RAD51B: variants seen among roughly 807,000 people sequenced by gnomAD.
The protein encoded by RAD51B is DNA repair protein RAD51 homolog 2.
A neutral mutation model predicts 42.2 loss-of-function variants in RAD51B; 38 were observed. The ratio of observed to expected loss-of-function variants is 0.90; its 90% CI spans 0.70 to 1.18. The LOEUF (loss-of-function observed/expected upper bound fraction) is 1.18. Among genes scored for constraint, RAD51B ranks in the 50% most tolerant of loss-of-function variants. The pLI is 0.00. For missense variants in RAD51B, 373 were observed against 400.7 expected (o/e 0.93, Z 0.59); for synonymous variants, 154 against 145.2 (o/e 1.06, Z -0.43).
intron 7 of RAD51B, among the ~76,000 whole-genome samples, chr14:68,079,392 T>G (rs1369396301): frequency 6.6e-6 from 1 of 152,230 alleles, no homozygotes; most frequent in Admixed American, 6.5e-5. Context: ...CATAATATTT[T>G]GGGGCATTTT....
At chr14:67,990,770 A>AAAATAT (rs2075282610) in intron 7 of RAD51B, among the ~76,000 whole-genome samples, 1 of 152,206 alleles carries the variant, frequency 6.6e-6, no homozygotes, top group Non-Finnish European at 1.5e-5. Flanking sequence ...TTTTTTAACT[A>AAAATAT]AAAATATACA....
chr14:68,325,092 G>A (rs567504449), intron 8 of RAD51B, among the ~76,000 whole-genome samples: 85 of 152,212 alleles, frequency 5.6e-4, no homozygotes, highest in African/African-American at 2.0e-3. Context: ...GGACAACCTG[G>A]GTCTAATGCT....
At chr14:68,436,751 T>A (rs896211850) in intron 9 of RAD51B, among the ~76,000 whole-genome samples, 1 of 152,170 alleles carries the variant, frequency 6.6e-6, no homozygotes, top group Non-Finnish European at 1.5e-5. Flanking sequence ...GTTTGATGTA[T>A]TCCTAGGTGT....
rs1890925660 is a variant in RAD51B, at chr14:68,594,886, G to A, written c.*283G>A. On this transcript the variant is annotated 3_prime_UTR_variant, in exon 11 of 11. Coordinates refer to the RAD51B transcript ENST00000487270. ...CACACAGCCCATGCCCTCCACCATG[G>A]AGTACATTTTCTCCCTGGCTTGCTG... 3.6e-6 allele frequency: 4 copies of A among 1,102,834 alleles called. No homozygotes were observed. In the South Asian group the frequency reaches 1.4e-4, roughly 38 times the overall value. 68.3% of individuals were successfully genotyped at this position (1,102,834 alleles called of 1,614,324 possible).
At chr14:68,017,980 A>ATAAG (rs1398139727) in intron 7 of RAD51B, among the ~76,000 whole-genome samples, 1 of 152,036 alleles carries the variant, frequency 6.6e-6, no homozygotes, top group Non-Finnish European at 1.5e-5. Context: ...GAATAAATAA[A>ATAAG]TAAATAAATA....
chr14:68,173,374 T>C (rs2078908468), intron 7 of RAD51B, among the ~76,000 whole-genome samples: 2 of 152,220 alleles, frequency 1.3e-5, no homozygotes, highest in Admixed American at 6.5e-5. Context: ...CTATACTGCC[T>C]GTGGGAACAC....
At chr14:68,468,854 G>A (rs2086051133) in intron 10 of RAD51B, among the ~76,000 whole-genome samples, 1 of 152,220 alleles carries the variant, frequency 6.6e-6, no homozygotes, top group Admixed American at 6.5e-5. Context: ...ATAGCACCCT[G>A]AGGCCACATC....
intron 7 of RAD51B, among the ~76,000 whole-genome samples, chr14:68,097,448 T>A (rs1397032995): frequency 1.3e-5 from 2 of 152,196 alleles, no homozygotes; most frequent in African/African-American, 4.8e-5. Flanking sequence ...GATATTCAAA[T>A]GACACTTCAG....
intron 10 of RAD51B, among the ~76,000 whole-genome samples, chr14:68,521,684 TG>T (rs1189203806): frequency 6.6e-6 from 1 of 152,234 alleles, no homozygotes; most frequent in Non-Finnish European, 1.5e-5. Flanking sequence ...GAGCTGGGGC[TG>T]CCACCCTGTT....
intron 6 of RAD51B, among the ~76,000 whole-genome samples, chr14:67,886,401 G>A (rs2043062230): frequency 1.3e-5 from 2 of 152,142 alleles, no homozygotes; most frequent in Admixed American, 1.3e-4. Flanking sequence ...CTTAAGGCTT[G>A]ACTGGAGCTG....
intron 7 of RAD51B, among the ~76,000 whole-genome samples, chr14:68,274,340 C>T (rs2081179897): frequency 6.6e-6 from 1 of 152,102 alleles, no homozygotes; most frequent in African/African-American, 2.4e-5. Flanking sequence ...TTTCTTCCTT[C>T]CTTTCTTGTT....
intron 8 of RAD51B, among the ~76,000 whole-genome samples, chr14:68,322,766 G>T (rs1334117281): frequency 6.6e-6 from 1 of 152,174 alleles, no homozygotes; most frequent in Non-Finnish European, 1.5e-5. Context: ...GCTAGGACAG[G>T]CCTGGGTAGA....
chr14:68,573,648 C>T (rs1449214951), intron 10 of RAD51B, among the ~76,000 whole-genome samples: 1 of 152,190 alleles, frequency 6.6e-6, no homozygotes, highest in Non-Finnish European at 1.5e-5. Context: ...GAGGGCAGCA[C>T]CCTTGACCAC....
In RAD51B at chr14:67,879,681, T is replaced by C. The variant is rs187602972; in HGVS notation, c.453-6188T>C. On this transcript the variant is annotated intron_variant, in intron 5 of 10. Transcript: ENST00000471583. The stretch of plus-strand genomic sequence containing the variant: ...GTGAAAAAAGAGTGGCGTTGTTTTA[T>C]GTTTTTGCAAATCTCTTTAGTGTCT... 2.5e-3 allele frequency among the ~76,000 whole-genome samples: 378 copies of C among 152,356 alleles called. 2 individuals are homozygous for C. The highest frequency in any genetic ancestry group is 2.0e-3 in the Non-Finnish European group (136 of 68,034).
chr14:68,023,970 A>T (rs1566586175), intron 7 of RAD51B, among the ~76,000 whole-genome samples: 2 of 152,198 alleles, frequency 1.3e-5, no homozygotes, highest in Admixed American at 6.5e-5. Context: ...TAAGACGTTT[A>T]TAGTTTGAGG....
At chr14:67,910,441 A>AAAAT (rs1566953766) in intron 7 of RAD51B, among the ~76,000 whole-genome samples, 1 of 146,076 alleles carries the variant, frequency 6.8e-6, no homozygotes. Context: ...AAAAAAAAAA[A>AAAAT]ATATTTAAAT....
At chr14:67,981,861 A>G (rs376463356) in intron 7 of RAD51B, among the ~76,000 whole-genome samples, 2 of 152,224 alleles carry the variant, frequency 1.3e-5, no homozygotes, top group East Asian at 3.8e-4. Context: ...AGGTTAAAGA[A>G]GTTTTAACTA....
At position 68,215,524 on chromosome 14, in the gene RAD51B, A is replaced by G. The variant is rs1279613804; in HGVS notation, c.757-76360A>G. ...ATAATAGTTCCGGGAGTTAGGTGCTATTATCCCCATTTTGAGATGAGGAAA... is the reference window on the plus strand; with the variant it reads ...ATAATAGTTCCGGGAGTTAGGTGCTGTTATCCCCATTTTGAGATGAGGAAA... On this transcript the variant is annotated intron_variant, in intron 7 of 10. Transcript: ENST00000471583. Among the ~76,000 whole-genome samples the G allele has an allele frequency of 3.3e-5, 5 of 152,232 alleles. No individual in the cohort carries two copies. In the East Asian group the frequency reaches 5.8e-4, roughly 18 times the overall value.
Position 68,238,586 on chromosome 14 carries a change from T to G in RAD51B, c.757-53298T>G, listed in dbSNP as rs1483991393. 2.6e-5 allele frequency among the ~76,000 whole-genome samples: 4 copies of G among 152,236 alleles called. No homozygotes were observed. The East Asian group carries it at 7.7e-4, about 29-fold the overall frequency. ...TCCCAAAATGCTAGGATTACAGGCATGAGCCACTGTGCCCAACCATATTTA... is the reference window on the plus strand; with the variant it reads ...TCCCAAAATGCTAGGATTACAGGCAGGAGCCACTGTGCCCAACCATATTTA... On this transcript the variant is annotated intron_variant, in intron 7 of 10. Transcript: ENST00000471583.
Sources: allele counts gnomAD v4.1 joint callset (sites outside exome capture counted in the v4.1 genomes callset), GRCh38; gene constraint gnomAD v4.1.1; transcripts MANE v1.5; gene names NCBI Gene and HGNC (gene_info 2026-07-23, HGNC 2026-07-21).